The following BCAP29 variants were observed in gnomAD, a reference collection of about 807,000 sequenced individuals.
BCAP29 encodes B cell receptor associated protein 29.
In BCAP29, 34 loss-of-function variants were observed where a neutral mutation model predicts 31.8. The observed-to-expected ratio is 1.07, with a 90% CI of 0.81 to 1.42. The LOEUF is 1.42. BCAP29 is among the 40% of genes most tolerant of loss of function. BCAP29 has a pLI of 0.00. For missense variants in BCAP29, 314 were observed against 269.2 expected (o/e 1.17, Z -1.16); for synonymous variants, 104 against 91.3 (o/e 1.14, Z -0.79).
At chr7:107,582,224 C>G (rs1406867698) in intron 2 of BCAP29, among the ~76,000 whole-genome samples, 3 of 152,194 alleles carry the variant, frequency 2.0e-5, no homozygotes. Context: ...TCAGAGTGAT[C>G]TGTAACTTAT....
intron 3 of BCAP29, among the ~76,000 whole-genome samples, chr7:107,586,832 AT>A (rs1419562161): frequency 6.6e-6 from 1 of 150,914 alleles, no homozygotes; most frequent in East Asian, 1.9e-4. Context: ...GGCTCAAGTA[AT>A]TCTCCAGCTG....
At chr7:107,612,426 TATA>T (rs1325336379) in intron 6 of BCAP29, among the ~76,000 whole-genome samples, 1,692 of 44,600 alleles carry the variant, frequency 0.038, 130 homozygotes, top group East Asian at 0.15. Context: ...TATATATATA[TATA>T]TATATATATA....
intron 6 of BCAP29, among the ~76,000 whole-genome samples, chr7:107,608,499 A>G (rs796533686): frequency 8.6e-5 from 13 of 151,762 alleles, no homozygotes; most frequent in African/African-American, 3.1e-4. Flanking sequence ...TCATTTTTGG[A>G]GCACTTCCTT....
intron 6 of BCAP29, among the ~76,000 whole-genome samples, chr7:107,611,440 A>T (rs551278477): frequency 6.1e-4 from 93 of 152,152 alleles, no homozygotes; most frequent in African/African-American, 2.1e-3. Flanking sequence ...GTAGAGCAAG[A>T]TGTTGTCTCA....
intron 6 of BCAP29, among the ~76,000 whole-genome samples, chr7:107,606,736 TAA>T (rs1463483072): frequency 6.6e-6 from 1 of 152,184 alleles, no homozygotes; most frequent in African/African-American, 2.4e-5. Flanking sequence ...TATGGAATAA[TAA>T]AACTTTGCAG....
At chr7:107,600,027 A>G (rs1469202362) in intron 5 of BCAP29, among the ~76,000 whole-genome samples, 3 of 152,158 alleles carry the variant, frequency 2.0e-5, no homozygotes, top group Non-Finnish European at 4.4e-5. Flanking sequence ...TCAGAACATA[A>G]TGGTTTTCTA....
chr7:107,606,383 T>G (rs1240890509), intron 6 of BCAP29, among the ~76,000 whole-genome samples: 1 of 152,240 alleles, frequency 6.6e-6, no homozygotes, highest in Non-Finnish European at 1.5e-5. Context: ...TTTTGACCCT[T>G]CAAATTATAT....
intron 3 of BCAP29, chr7:107,587,856 A>G (rs1341181608): frequency 1.3e-5 from 2 of 152,156 alleles, no homozygotes; most frequent in Non-Finnish European, 2.9e-5. Flanking sequence ...TAGTTTTATA[A>G]GAAACCCTAC....
chr7:107,585,214 G>T (rs753445347), intron 3 of BCAP29, among the ~76,000 whole-genome samples: 6 of 152,120 alleles, frequency 3.9e-5, no homozygotes, highest in Non-Finnish European at 5.9e-5. Context: ...GACCCTAACC[G>T]CCATCTTTGA....
intron 6 of BCAP29, among the ~76,000 whole-genome samples, chr7:107,602,383 T>C (rs1467387497): frequency 6.6e-6 from 1 of 152,140 alleles, no homozygotes; most frequent in African/African-American, 2.4e-5. Context: ...AGGTAAGAAC[T>C]AAGAAAATAT....
chr7:107,608,388 G>T (rs1381912880), intron 6 of BCAP29, among the ~76,000 whole-genome samples: 1 of 152,060 alleles, frequency 6.6e-6, no homozygotes, highest in Middle Eastern at 3.2e-3. Flanking sequence ...TGTTCAGGTT[G>T]TCCAGCTTTC....
At chr7:107,617,765 CA>C (rs2129296643) in intron 7 of BCAP29, among the ~76,000 whole-genome samples, 1 of 152,300 alleles carries the variant, frequency 6.6e-6, no homozygotes, top group South Asian at 2.1e-4. Context: ...CTTCTTTATA[CA>C]AGCAATAACA....
At chr7:107,580,431 T>G (rs1806387024) in intron 1 of BCAP29, 130 bp downstream of exon 1, 2 of 253,306 alleles carry the variant, frequency 7.9e-6, no homozygotes, top group Non-Finnish European at 1.5e-5. Context: ...GGCGCGGTGG[T>G]CGAGGGCCCG....
In BCAP29 at chr7:107,584,748, G is replaced by A. The variant is rs117768937; in HGVS notation, c.193+766G>A. On this transcript the variant is annotated intron_variant, in intron 3 of 7. Coordinates refer to ENST00000005259, the MANE Select transcript of BCAP29 (RefSeq NM_018844.4). ...CTGCAACATAGATTTGGGGACTACCGCAAAAATTTGAATATGGAGTGATTG... is the reference window on the plus strand; with the variant it reads ...CTGCAACATAGATTTGGGGACTACCACAAAAATTTGAATATGGAGTGATTG... 7.3e-3 allele frequency among the ~76,000 whole-genome samples: 1,104 copies of A among 152,128 alleles called. 3 individuals carry two copies. Among genetic ancestry groups the A allele is most frequent in the Non-Finnish European group, 0.011 (757 of 67,980 alleles).
At chr7:107,617,670 T>C (rs1814434135) in intron 7 of BCAP29, among the ~76,000 whole-genome samples, 1 of 152,100 alleles carries the variant, frequency 6.6e-6, no homozygotes, top group Non-Finnish European at 1.5e-5. Flanking sequence ...CCTCTACTCT[T>C]GTCTTTTTAT....
intron 6 of BCAP29, among the ~76,000 whole-genome samples, chr7:107,610,020 C>A (rs73189580): frequency 0.011 from 1,645 of 152,278 alleles, 15 homozygotes; most frequent in Middle Eastern, 0.02. Flanking sequence ...CACAGTGATA[C>A]AATACATTTA....
In BCAP29 at chr7:107,594,083, G is replaced by T. The variant is rs1809365429; in HGVS notation, c.322G>T (p.Gly108Ter). The T allele has an allele frequency of 1.2e-6, 2 of 1,610,996 alleles. No individual in the cohort carries two copies. The highest frequency in any genetic ancestry group is 1.7e-6 in the Non-Finnish European group (2 of 1,178,680). ...FRSQRNLYIS[G>*]FSLFFWLVLR... ...GTCTCAAAGAAATCTTTACATTTCT[G>T]GATTTTCCCTATTTTTTTGGCTGTA... Residue 108 changes from glycine (G) to a stop codon, truncating the protein, a stop_gained, in exon 4 of 8, where the codon GGA (glycine) becomes TGA (stop). Coordinates refer to ENST00000005259, the MANE Select transcript of BCAP29 (RefSeq NM_018844.4). LOFTEE classifies it high-confidence loss of function.
chr7:107,589,496 G>A (rs1808334646), intron 3 of BCAP29, among the ~76,000 whole-genome samples: 1 of 152,144 alleles, frequency 6.6e-6, no homozygotes, highest in South Asian at 2.1e-4. Context: ...ACTCCTATGA[G>A]AATCTAATGC....
At chr7:107,583,501 A>G (rs1361420424) in intron 2 of BCAP29, among the ~76,000 whole-genome samples, 1 of 152,172 alleles carries the variant, frequency 6.6e-6, no homozygotes, top group Non-Finnish European at 1.5e-5. Context: ...AAATGTTGCC[A>G]ATTGTTAGAA....
Sources: allele counts gnomAD v4.1 joint callset (sites outside exome capture counted in the v4.1 genomes callset), GRCh38; gene constraint gnomAD v4.1.1; transcripts MANE v1.5; gene names NCBI Gene and HGNC (gene_info 2026-07-23, HGNC 2026-07-21).